RHOH: variants seen among roughly 807,000 people sequenced by gnomAD.
The protein encoded by RHOH is ras homolog family member H.
In RHOH, 6 loss-of-function variants were observed where a neutral mutation model predicts 13.8. The ratio of observed to expected loss-of-function variants is 0.44; its 90% CI spans 0.24 to 0.86. The LOEUF is 0.86. RHOH is among the 40% of genes least tolerant of loss of function. The probability of loss-of-function intolerance (pLI) is 0.24; values close to 1 mark genes in which losing one functional copy is unlikely to be tolerated. For synonymous variants in RHOH, 117 were observed against 103.0 expected (o/e 1.14, Z -0.82); for missense variants, 147 against 244.5 (o/e 0.60, Z 2.66).
At chr4:40,204,743 T>C (rs13127954) in intron 1 of RHOH, among the ~76,000 whole-genome samples, 92,344 of 152,058 alleles carry the variant, frequency 0.61, 28,877 homozygotes, top group Admixed American at 0.68. Flanking sequence ...GAAATGAGGG[T>C]AAGATGGCGG....
intron 1 of RHOH, among the ~76,000 whole-genome samples, chr4:40,203,308 A>C (rs991439978): frequency 3.9e-5 from 6 of 152,184 alleles, no homozygotes; most frequent in Admixed American, 1.3e-4. Context: ...AATCACCTGG[A>C]TGAGTGCGGG....
intron 1 of RHOH, among the ~76,000 whole-genome samples, chr4:40,220,589 G>A (rs1168217309): frequency 1.3e-5 from 2 of 151,966 alleles, no homozygotes; most frequent in African/African-American, 4.8e-5. Flanking sequence ...GTGAGGATCA[G>A]AGACATTATT....
At chr4:40,194,115 G>A (rs985825942), upstream of RHOH, among the ~76,000 whole-genome samples, 4 of 152,090 alleles carry the variant, frequency 2.6e-5, no homozygotes, top group African/African-American at 4.8e-5. Context: ...CCTGTTGGAG[G>A]GGCAACCAAT....
chr4:40,206,983 C>T (rs529259913), intron 1 of RHOH, among the ~76,000 whole-genome samples: 1 of 152,060 alleles, frequency 6.6e-6, no homozygotes, highest in South Asian at 2.1e-4. Context: ...CTGAAGCGGG[C>T]GGATCACGAG....
chr4:40,206,652 G>A (rs1422782705), intron 1 of RHOH, among the ~76,000 whole-genome samples: 2 of 152,138 alleles, frequency 1.3e-5, no homozygotes, highest in Non-Finnish European at 2.9e-5. Context: ...AGGAGAGAGG[G>A]TTGGAGGCAC....
chr4:40,209,895 G>A (rs2890728), intron 1 of RHOH, among the ~76,000 whole-genome samples: 8,519 of 152,180 alleles, frequency 0.056, 625 homozygotes, highest in African/African-American at 0.16. Context: ...AAATTACCTT[G>A]TATCTTTTCA....
chr4:40,215,617 G>A (rs1484873378), intron 1 of RHOH, among the ~76,000 whole-genome samples: 1 of 152,210 alleles, frequency 6.6e-6, no homozygotes, highest in Non-Finnish European at 1.5e-5. Context: ...TGTACCCTTT[G>A]GGGTTCTGGC....
rs1729699220 is a variant in RHOH, at chr4:40,245,402, G to A, written c.*1440G>A. The A allele has an allele frequency of 6.6e-6, 1 of 152,010 alleles. No homozygotes were observed. Among genetic ancestry groups the A allele is most frequent in the African/African-American group, 2.4e-5 (1 of 41,370 alleles). 9.4% of individuals were successfully genotyped at this position (152,010 alleles called of 1,614,324 possible). A position where few individuals can be genotyped will look rare whatever the true frequency, so the allele number is the denominator to read the frequency against. On this transcript the variant is annotated 3_prime_UTR_variant, in exon 3 of 3. Coordinates refer to ENST00000381799, the MANE Select transcript of RHOH (RefSeq NM_004310.5). ...TATTAGCTAAAAATTAGCTGGGTGT[G>A]GTGGCACATGCCTGTAGTTCTAGCT...
At chr4:40,223,403 T>C (rs1319183039) in intron 1 of RHOH, among the ~76,000 whole-genome samples, 3 of 151,406 alleles carry the variant, frequency 2.0e-5, no homozygotes, top group Admixed American at 1.3e-4. Flanking sequence ...CCCTGATCAA[T>C]TGGCAGCCAT....
At chr4:40,210,805 T>C (rs1442192059) in intron 1 of RHOH, among the ~76,000 whole-genome samples, 3 of 152,188 alleles carry the variant, frequency 2.0e-5, no homozygotes, top group Admixed American at 6.5e-5. Context: ...TAAAGCACAG[T>C]TATACATACA....
At chr4:40,239,765 C>A (rs1392842139) in intron 1 of RHOH, among the ~76,000 whole-genome samples, 1 of 152,068 alleles carries the variant, frequency 6.6e-6, no homozygotes, top group Non-Finnish European at 1.5e-5. Context: ...GTAATCCCAG[C>A]TACTCGGGAG....
At chr4:40,227,207 T>G (rs945630727) in intron 1 of RHOH, among the ~76,000 whole-genome samples, 1 of 152,102 alleles carries the variant, frequency 6.6e-6, no homozygotes, top group Non-Finnish European at 1.5e-5. Flanking sequence ...GACAGCTACC[T>G]TTTGAGTAAA....
intron 1 of RHOH, among the ~76,000 whole-genome samples, chr4:40,214,261 T>C (rs1355745608): frequency 6.6e-6 from 1 of 152,224 alleles, no homozygotes; most frequent in Non-Finnish European, 1.5e-5. Flanking sequence ...GATATGGGCA[T>C]CATGCACAGG....
chr4:40,194,997 G>A (rs1359066832), upstream of RHOH, among the ~76,000 whole-genome samples: 3 of 152,158 alleles, frequency 2.0e-5, no homozygotes, highest in African/African-American at 7.2e-5. Context: ...TCTGAGCTAT[G>A]TGTTTATGTT....
chr4:40,197,804 G>T (rs1205785270), intron 1 of RHOH, among the ~76,000 whole-genome samples: 1 of 152,168 alleles, frequency 6.6e-6, no homozygotes, highest in Admixed American at 6.5e-5. Context: ...GCTCTATGAT[G>T]TATAACATGT....
upstream of RHOH, among the ~76,000 whole-genome samples, chr4:40,194,750 TCTC>T (rs1358829956): frequency 1.3e-5 from 2 of 152,134 alleles, no homozygotes; most frequent in Non-Finnish European, 2.9e-5. Flanking sequence ...TTCTTACTAA[TCTC>T]CTGCTGCACT....
chr4:40,240,893 A>G (rs1052984755), intron 1 of RHOH, among the ~76,000 whole-genome samples: 16 of 152,108 alleles, frequency 1.1e-4, no homozygotes, highest in African/African-American at 3.9e-4. Flanking sequence ...GCAGTAGCTC[A>G]TGCCTGTAAT....
chr4:40,222,921 GGAA>G (rs751292296), intron 1 of RHOH, among the ~76,000 whole-genome samples: 71 of 152,276 alleles, frequency 4.7e-4, no homozygotes, highest in Non-Finnish European at 9.3e-4. Flanking sequence ...ACTGGAGTTT[GGAA>G]GAAGTTGATT....
rs757821004 is a variant in RHOH, at chr4:40,243,920, CAGA to C, written c.537_539del (p.Arg181del). On this transcript the variant is annotated inframe_deletion, in exon 3 of 3. Coordinates refer to ENST00000381799, the MANE Select transcript of RHOH (RefSeq NM_004310.5). This position sits in a 1 kb window ranked among gnomAD's most constrained non-coding sequence, Gnocchi z 6.2. ...CCGTCAACCAGGCCAGGAGACGAAA[CAGA>C]AGGAGGCTCTTCTCCATCAATGAGT... is the stretch of plus-strand genomic sequence containing the variant. 198 of 1,613,906 alleles carry C rather than the reference CAGA, an allele frequency of 1.2e-4. 1 individual carries two copies. The highest frequency in any genetic ancestry group is 1.4e-4 in the Non-Finnish European group (163 of 1,179,958).
Sources: allele counts gnomAD v4.1 joint callset (sites outside exome capture counted in the v4.1 genomes callset), GRCh38; gene constraint gnomAD v4.1.1; non-coding constraint Gnocchi (gnomAD v3.1); transcripts MANE v1.5; gene names NCBI Gene and HGNC (gene_info 2026-07-23, HGNC 2026-07-21).